The following JAKMIP1 variants were observed in gnomAD, a reference collection of about 807,000 sequenced individuals.
The protein encoded by JAKMIP1 is janus kinase and microtubule-interacting protein 1.
A neutral mutation model predicts 113.0 loss-of-function variants in JAKMIP1; 33 were observed. That is an observed-to-expected ratio of 0.29 (90% CI 0.22 to 0.39). The LOEUF is 0.39. JAKMIP1 is among the 10% of genes least tolerant of loss of function. The pLI is 1.00. For synonymous variants in JAKMIP1, 480 were observed against 459.9 expected (o/e 1.04, Z -0.56); for missense variants, 813 against 1,080.5 (o/e 0.75, Z 3.47).
chr4:6,060,383 G>T, intron 11 of JAKMIP1, 41 bp downstream of exon 11: 1 of 1,485,654 alleles, frequency 6.7e-7, no homozygotes, highest in Non-Finnish European at 9.4e-7. Context: ...CAAGGGGACA[G>T]AAAGGCTAAG....
chr4:6,109,337 G>T (rs1283293488), intron 2 of JAKMIP1, among the ~76,000 whole-genome samples: 1 of 151,806 alleles, frequency 6.6e-6, no homozygotes, highest in African/African-American at 2.4e-5. Flanking sequence ...GTTTCACTGT[G>T]TTAGCCAGGA....
At position 6,187,219 on chromosome 4, in the gene JAKMIP1, A is replaced by G. The variant is rs1252682591; in HGVS notation, c.-148+13034T>C. On this transcript the variant is annotated intron_variant, in intron 1 of 20. Coordinates refer to ENST00000409021, the MANE Select transcript of JAKMIP1 (RefSeq NM_001099433.2). The surrounding 1 kb of genome is among the most constrained non-coding windows in gnomAD (Gnocchi z 4.2). ...ATTGTTATATATTTCTGATGTATTG[A>G]ACTTCTTGTCATTATAAAATGTTAC... Among the ~76,000 whole-genome samples the G allele has an allele frequency of 2.0e-5, 3 of 152,164 alleles. No homozygotes were observed. Among genetic ancestry groups the G allele is most frequent in the African/African-American group, 7.2e-5 (3 of 41,430 alleles).
chr4:6,199,726 G>C lies in JAKMIP1; in HGVS notation c.-148+527C>G, dbSNP rs1728239122. On this transcript the variant is annotated intron_variant, in intron 1 of 20. Coordinates refer to ENST00000409021, the MANE Select transcript of JAKMIP1 (RefSeq NM_001099433.2). This position sits in a 1 kb window ranked among gnomAD's most constrained non-coding sequence, Gnocchi z 5.6. ...TGCGGGCTGGGCGGCCTCGCCTTCGGGCCCCGCGCCGCCGGGGCGCGGCCC... is the reference window on the plus strand; with the variant it reads ...TGCGGGCTGGGCGGCCTCGCCTTCGCGCCCCGCGCCGCCGGGGCGCGGCCC... Among the ~76,000 whole-genome samples, 1 of 151,414 alleles carries C rather than the reference G, an allele frequency of 6.6e-6. No individual in the cohort carries two copies.
chr4:6,172,552 C>A (rs1442915875), intron 1 of JAKMIP1, among the ~76,000 whole-genome samples: 1 of 152,022 alleles, frequency 6.6e-6, no homozygotes, highest in Admixed American at 6.6e-5. Flanking sequence ...CTTTAGGTAG[C>A]TCACGGCCAT....
intron 1 of JAKMIP1, among the ~76,000 whole-genome samples, chr4:6,173,139 C>T (rs1286701393): frequency 6.6e-6 from 1 of 152,202 alleles, no homozygotes; most frequent in Non-Finnish European, 1.5e-5. Flanking sequence ...CAGGAGATTT[C>T]ACCTCCCACT....
intron 1 of JAKMIP1, among the ~76,000 whole-genome samples, chr4:6,144,249 C>T (rs1720536000): frequency 6.6e-6 from 1 of 152,228 alleles, no homozygotes; most frequent in Non-Finnish European, 1.5e-5. Context: ...ACTAAACATA[C>T]TTAACACCTA....
rs149539659 is a variant in JAKMIP1 at position 6,162,121 on chromosome 4, C to CG, written c.-148+38131dup. ...GGGACGGGGTAGATTATGGGCCAGACGGGGGGCCAAGAGGTCAGCAGGGCC... is the reference window on the plus strand; with the variant it reads ...GGGACGGGGTAGATTATGGGCCAGACGGGGGGGCCAAGAGGTCAGCAGGGCC... On this transcript the variant is annotated intron_variant, in intron 1 of 20. Transcript: ENST00000409021. The surrounding 1 kb of genome is among the most constrained non-coding windows in gnomAD (Gnocchi z 5.6). Among the ~76,000 whole-genome samples the CG allele has an allele frequency of 0.013, 1,996 of 149,972 alleles. 29 individuals carry two copies. Among genetic ancestry groups the CG allele is most frequent in the African/African-American group, 0.047 (1,868 of 39,418 alleles).
chr4:6,189,200 T>C (rs1726966131), intron 1 of JAKMIP1, among the ~76,000 whole-genome samples: 1 of 152,238 alleles, frequency 6.6e-6, no homozygotes. Context: ...AGTTTGTTTC[T>C]GAAGAACAGC....
In JAKMIP1 at chr4:6,049,614, G is replaced by C. The variant is rs951645515; in HGVS notation, c.1962+205C>G. The stretch of plus-strand genomic sequence containing the variant: ...CGTCCCCTCCTCACTCAACAGGCCA[G>C]GGGAATCTAACTTCGGAACCCCACT... On this transcript the variant is annotated intron_variant, in intron 15 of 20. Transcript: ENST00000409021. The surrounding 1 kb of genome is among the most constrained non-coding windows in gnomAD (Gnocchi z 7.0). Among the ~76,000 whole-genome samples, 1 of 152,000 alleles carries C rather than the reference G, an allele frequency of 6.6e-6. No homozygotes were observed. The highest frequency in any genetic ancestry group is 2.4e-5 in the African/African-American group (1 of 41,380).
rs139278215 is a variant in JAKMIP1 at position 6,151,261 on chromosome 4, T to C, written c.-147-38264A>G. On this transcript the variant is annotated intron_variant, in intron 1 of 20. Coordinates refer to ENST00000409021, the MANE Select transcript of JAKMIP1 (RefSeq NM_001099433.2). ...AACCCTATGAAGTTACTTCTGTAAT[T>C]ATTCCCACTTTCCCTACGGAAAAAC... is the stretch of plus-strand genomic sequence containing the variant. Among the ~76,000 whole-genome samples, 619 of 152,302 alleles carry C rather than the reference T, an allele frequency of 4.1e-3. 6 individuals carry two copies. The highest frequency in any genetic ancestry group is 0.014 in the African/African-American group (581 of 41,552).
chr4:6,109,124 CTTTTTTTTTTTT>C (rs71173408), intron 2 of JAKMIP1, among the ~76,000 whole-genome samples: 1 of 96,860 alleles, frequency 1.0e-5, no homozygotes, highest in African/African-American at 4.1e-5. Flanking sequence ...CCTGGGGCAC[CTTTTTTTTTTTT>C]TTTTTTTTTT....
At chr4:6,075,611 A>ACTAT (rs1036538253) in intron 8 of JAKMIP1, among the ~76,000 whole-genome samples, 1 of 152,216 alleles carries the variant, frequency 6.6e-6, no homozygotes, top group Non-Finnish European at 1.5e-5. Context: ...ATGACACGGA[A>ACTAT]CTATCTTCAT....
At position 6,080,659 on chromosome 4, in the gene JAKMIP1, G is replaced by A. The variant is rs532192545; in HGVS notation, c.1102-347C>T. On this transcript the variant is annotated intron_variant, in intron 6 of 20. Coordinates refer to ENST00000409021, the MANE Select transcript of JAKMIP1 (RefSeq NM_001099433.2). The surrounding 1 kb of genome is among the most constrained non-coding windows in gnomAD (Gnocchi z 6.0). ...TGTCTTGTCTGCCGCCAAGTAAGAT[G>A]TGCCTTTAGCTTTCTGCCATGATTG... Among the ~76,000 whole-genome samples the A allele has an allele frequency of 2.0e-4, 30 of 152,234 alleles. No individual in the cohort carries two copies. Among genetic ancestry groups the A allele is most frequent in the East Asian group, 5.8e-4 (3 of 5,180 alleles).
At chr4:6,047,746 A>C (rs1052569609) in intron 16 of JAKMIP1, among the ~76,000 whole-genome samples, 15 of 152,250 alleles carry the variant, frequency 9.9e-5, no homozygotes, top group African/African-American at 3.1e-4. Flanking sequence ...ATCCCAACTA[A>C]GATCATTAAG....
rs1721642382 is a variant in JAKMIP1 at position 6,088,775 on chromosome 4, C to T, written c.625-3146G>A. Among the ~76,000 whole-genome samples, 1 of 152,180 alleles carries T rather than the reference C, an allele frequency of 6.6e-6. No homozygotes were observed. Among genetic ancestry groups the T allele is most frequent in the Admixed American group, 6.5e-5 (1 of 15,284 alleles). Reference sequence around the variant, plus strand: ...CTCTTAGTGATCCTATCTCGCTGCCCTTGGGATGCTGATGAAATCTCAAGC... The same window carrying T: ...CTCTTAGTGATCCTATCTCGCTGCCTTTGGGATGCTGATGAAATCTCAAGC... On this transcript the variant is annotated intron_variant, in intron 3 of 20. Coordinates refer to ENST00000409021, the MANE Select transcript of JAKMIP1 (RefSeq NM_001099433.2). This position sits in a 1 kb window ranked among gnomAD's most constrained non-coding sequence, Gnocchi z 5.5.
At chr4:6,047,131 G>A (rs1296165455) in intron 16 of JAKMIP1, among the ~76,000 whole-genome samples, 1 of 152,254 alleles carries the variant, frequency 6.6e-6, no homozygotes, top group Admixed American at 6.5e-5. Context: ...ATGGCTGAGA[G>A]AGATGTGGTG....
chr4:6,128,734 C>T (rs933023028), intron 1 of JAKMIP1, among the ~76,000 whole-genome samples: 3 of 152,174 alleles, frequency 2.0e-5, no homozygotes, highest in East Asian at 1.9e-4. Context: ...TCTGGTGCCC[C>T]CAGCCTTGCC....
chr4:6,062,289 G>A, intron 10 of JAKMIP1, 23 bp downstream of exon 10: 2 of 1,611,326 alleles, frequency 1.2e-6, no homozygotes, highest in Non-Finnish European at 1.7e-6. Flanking sequence ...CCTCCCTCGA[G>A]CCCTGAGGCT....
intron 1 of JAKMIP1, among the ~76,000 whole-genome samples, chr4:6,170,577 C>G (rs560451269): frequency 6.6e-6 from 1 of 151,202 alleles, no homozygotes; most frequent in African/African-American, 2.4e-5. Context: ...CCATTGCCAC[C>G]ATTACACCCA....
Sources: allele counts gnomAD v4.1 joint callset (sites outside exome capture counted in the v4.1 genomes callset), GRCh38; gene constraint gnomAD v4.1.1; non-coding constraint Gnocchi (gnomAD v3.1); transcripts MANE v1.5; gene names NCBI Gene and HGNC (gene_info 2026-07-23, HGNC 2026-07-21).